CA10: variants seen among roughly 807,000 people sequenced by gnomAD.
CA10 encodes the protein carbonic anhydrase 10 (inactive).
In CA10, 14 loss-of-function variants were observed where a neutral mutation model predicts 44.2. The observed-to-expected ratio is 0.32, with a 90% confidence interval of 0.21 to 0.50. The LOEUF (loss-of-function observed/expected upper bound fraction) is 0.50, where lower values mean the gene tolerates loss of function less well. Among genes scored for constraint, CA10 ranks in the 20% least tolerant of loss-of-function variants. CA10 has a pLI of 0.99. For synonymous variants in CA10, 159 were observed against 141.6 expected, an observed-to-expected ratio of 1.12 and a Z score of -0.87; for missense variants, 350 against 409.7, an observed-to-expected ratio of 0.85 and a Z score of 1.26.
chr17:51,708,005 T>C (rs1419402655), intron 4 of CA10, among the ~76,000 whole-genome samples: 2 of 152,086 alleles, frequency 1.3e-5, no homozygotes, highest in Non-Finnish European at 2.9e-5. Context: ...CTAGGAAGGA[T>C]CTGGAAGTAG....
chr17:52,081,548 C>T (rs1987976986), intron 1 of CA10, among the ~76,000 whole-genome samples: 1 of 152,094 alleles, frequency 6.6e-6, no homozygotes, highest in Non-Finnish European at 1.5e-5. Flanking sequence ...CGCCTGTAGT[C>T]CCAGCACTTT....
intron 3 of CA10, among the ~76,000 whole-genome samples, chr17:51,905,773 G>C (rs542209640): frequency 6.6e-6 from 1 of 151,914 alleles, no homozygotes; most frequent in Non-Finnish European, 1.5e-5. Flanking sequence ...CACATTCAGG[G>C]CTAGCTATTT....
chr17:51,821,131 C>T (rs1329235718), intron 3 of CA10, among the ~76,000 whole-genome samples: 2 of 142,202 alleles, frequency 1.4e-5, no homozygotes, highest in East Asian at 4.4e-4. Context: ...CCTTCCCTCC[C>T]TCCCTCCCTC....
rs946812094 is a variant in CA10 at position 51,631,524 on chromosome 17, G to T, written c.*60C>A. 11 of 1,450,792 alleles carry T rather than the reference G, an allele frequency of 7.6e-6. No individual in the cohort carries two copies. Among genetic ancestry groups the T allele is most frequent in the South Asian group, 1.1e-5 (1 of 87,254 alleles). 89.9% of individuals were successfully genotyped at this position (1,450,792 alleles called of 1,614,324 possible). ...AGAAGCAAGAAGGGGGACATTCTAG[G>T]TTACGTCAATTCACAGTTGTAGCAT... On this transcript the variant is annotated 3_prime_UTR_variant, in exon 9 of 9. Transcript: ENST00000451037.
intron 3 of CA10, among the ~76,000 whole-genome samples, chr17:51,758,913 A>T (rs1359887452): frequency 6.6e-6 from 1 of 152,124 alleles, no homozygotes; most frequent in Non-Finnish European, 1.5e-5. Flanking sequence ...TGGGTTCAAG[A>T]GCCAGACTGT....
chr17:51,741,739 T>C lies in CA10; in HGVS notation c.465+5894A>G, dbSNP rs1176341464. 2.0e-5 allele frequency among the ~76,000 whole-genome samples: 3 copies of C among 152,306 alleles called. No homozygotes were observed. In the East Asian group the frequency reaches 5.8e-4, roughly 29 times the overall value. ...TCCTTAAGAGGTTTACCAAGGTCAT[T>C]TATTCCCTCATTCAGTAAATATTTA... On this transcript the variant is annotated intron_variant, in intron 4 of 8. Transcript: ENST00000451037.
At chr17:51,844,935 T>A (rs1374988940) in intron 3 of CA10, among the ~76,000 whole-genome samples, 2 of 152,180 alleles carry the variant, frequency 1.3e-5, no homozygotes, top group East Asian at 3.8e-4. Flanking sequence ...ATGAGGTCAT[T>A]ATGGCTGGCC....
chr17:51,915,229 A>T (rs1183345593), intron 3 of CA10, among the ~76,000 whole-genome samples: 2 of 152,184 alleles, frequency 1.3e-5, no homozygotes, highest in East Asian at 3.9e-4. Flanking sequence ...CAGGGATGTT[A>T]CACCATCCAC....
At chr17:51,724,367 T>C (rs903213117) in intron 4 of CA10, among the ~76,000 whole-genome samples, 4 of 152,218 alleles carry the variant, frequency 2.6e-5, no homozygotes, top group Non-Finnish European at 5.9e-5. Context: ...AGTTGGGATA[T>C]GCACTTTCAA....
rs192909067 is a variant in CA10 at position 51,704,062 on chromosome 17, A to G, written c.465+43571T>C. Among the ~76,000 whole-genome samples the G allele has an allele frequency of 1.7e-3, 254 of 152,308 alleles. 1 individual carries two copies. Among genetic ancestry groups the G allele is most frequent in the African/African-American group, 5.6e-3 (233 of 41,584 alleles). ...AAACTGATCTCTTTCGATTGTTTCT[A>G]TGGAAGCTTGTGGATTATAAAACAG... On this transcript the variant is annotated intron_variant, in intron 4 of 8. Transcript: ENST00000451037.
chr17:51,710,172 C>T (rs182223163), intron 4 of CA10, among the ~76,000 whole-genome samples: 12 of 152,242 alleles, frequency 7.9e-5, no homozygotes, highest in African/African-American at 2.2e-4. Context: ...TAGCAGCCGA[C>T]GTTTTCTTAG....
intron 2 of CA10, among the ~76,000 whole-genome samples, chr17:51,976,519 G>C (rs1043559693): frequency 6.6e-6 from 1 of 151,990 alleles, no homozygotes; most frequent in Non-Finnish European, 1.5e-5. Context: ...AGACAAGGAA[G>C]CCCAATGGAA....
intron 2 of CA10, among the ~76,000 whole-genome samples, chr17:52,033,105 G>T (rs192534099): frequency 6.6e-6 from 1 of 152,136 alleles, no homozygotes; most frequent in African/African-American, 2.4e-5. Flanking sequence ...AAATTTTTGC[G>T]TTGGGTCATG....
At chr17:51,858,728 T>C (rs891329228) in intron 3 of CA10, among the ~76,000 whole-genome samples, 1 of 152,212 alleles carries the variant, frequency 6.6e-6, no homozygotes, top group African/African-American at 2.4e-5. Context: ...TAAATTGTTA[T>C]GGCTAGCACA....
Position 52,075,555 on chromosome 17 carries a change from T to A in CA10, c.62-3162A>T, listed in dbSNP as rs28419587. Among the ~76,000 whole-genome samples, 822 of 152,324 alleles carry A rather than the reference T, an allele frequency of 5.4e-3. 6 individuals are homozygous for A. Among genetic ancestry groups the A allele is most frequent in the African/African-American group, 0.018 (768 of 41,576 alleles). On this transcript the variant is annotated intron_variant, in intron 1 of 8. Transcript: ENST00000451037. ...CAAATAAATAAAACAGTTTTTCCAA[T>A]CACTTGAATGTCTGTTGGGACATGG...
At chr17:51,682,308 T>C (rs2143394572) in intron 4 of CA10, among the ~76,000 whole-genome samples, 1 of 152,210 alleles carries the variant, frequency 6.6e-6, no homozygotes, top group South Asian at 2.1e-4. Flanking sequence ...ATTCTGAGAG[T>C]TGGGCCAAGG....
intron 3 of CA10, among the ~76,000 whole-genome samples, chr17:51,781,157 T>C (rs1291850397): frequency 1.3e-5 from 2 of 152,198 alleles, no homozygotes; most frequent in African/African-American, 4.8e-5. Context: ...GGGACTCCAA[T>C]GGTAAAGACA....
chr17:51,953,717 A>G (rs1983568656), intron 2 of CA10, among the ~76,000 whole-genome samples: 1 of 152,154 alleles, frequency 6.6e-6, no homozygotes, highest in Non-Finnish European at 1.5e-5. Flanking sequence ...TTTAATTCAT[A>G]TAAATCTTGC....
chr17:51,948,327 C>G (rs920498392), intron 2 of CA10, among the ~76,000 whole-genome samples: 1 of 152,184 alleles, frequency 6.6e-6, no homozygotes, highest in South Asian at 2.1e-4. Flanking sequence ...TCCTGTTTGC[C>G]TCCTGTTCCG....
Sources: gnomAD v4.1 joint callset for allele counts (sites outside exome capture counted in the v4.1 genomes callset) on GRCh38, gnomAD v4.1.1 for gene constraint, MANE v1.5 for transcripts, NCBI Gene and HGNC (gene_info 2026-07-23, HGNC 2026-07-21) for gene names.